AGAP1: variants seen among roughly 807,000 people sequenced by gnomAD.
AGAP1 encodes arf-GAP with GTPase, ANK repeat and PH domain-containing protein 1.
In AGAP1, 29 loss-of-function variants were observed where a neutral mutation model predicts 105.3. The ratio of observed to expected loss-of-function variants is 0.28; its 90% CI spans 0.21 to 0.38. The LOEUF (loss-of-function observed/expected upper bound fraction) is 0.38. Ranked by LOEUF, AGAP1 falls within the 10% of genes least tolerant of loss-of-function variation. The pLI is 1.00. For missense variants in AGAP1, 998 were observed against 1,165.1 expected (o/e 0.86, Z 2.09); for synonymous variants, 509 against 485.9 (o/e 1.05, Z -0.63).
Position 235,577,811 on chromosome 2 carries a change from C to A in AGAP1, c.163+82962C>A, listed in dbSNP as rs1195967785. On this transcript the variant is annotated intron_variant, in intron 1 of 17. Coordinates refer to ENST00000304032, the MANE Select transcript of AGAP1 (RefSeq NM_001037131.3). The surrounding 1 kb of genome is among the most constrained non-coding windows in gnomAD (Gnocchi z 4.5). The stretch of plus-strand genomic sequence containing the variant: ...GGTTTGCTATTCCTGAAATGTAATC[C>A]CTCCTTCAGCGCTGCACAAAAGGCC... Among the ~76,000 whole-genome samples, 2 of 151,996 alleles carry A rather than the reference C, an allele frequency of 1.3e-5. No individual in the cohort carries two copies. The highest frequency in any genetic ancestry group is 4.8e-5 in the African/African-American group (2 of 41,354).
At position 236,062,666 on chromosome 2, in the gene AGAP1, T is replaced by C. The variant is rs28605624; in HGVS notation, c.2114+13385T>C. Among the ~76,000 whole-genome samples, 1 of 149,058 alleles carries C rather than the reference T, an allele frequency of 6.7e-6. No homozygotes were observed. The highest frequency in any genetic ancestry group is 2.6e-5 in the African/African-American group (1 of 38,886). ...ATTTTGTTTGTTTGTTTGTTTGTTT[T>C]TGTTTGTTTGTTTGAGATGGAATCT... On this transcript the variant is annotated intron_variant, in intron 16 of 17. Transcript: ENST00000304032. This position sits in a 1 kb window ranked among gnomAD's most constrained non-coding sequence, Gnocchi z 4.2.
chr2:235,786,643 A>G (rs144074432), intron 6 of AGAP1, among the ~76,000 whole-genome samples: 204 of 152,332 alleles, frequency 1.3e-3, no homozygotes, highest in Middle Eastern at 6.8e-3. Flanking sequence ...GAAATAGGAA[A>G]ACAGCTTCAG....
chr2:235,956,566 G>A (rs2053959884), intron 12 of AGAP1, among the ~76,000 whole-genome samples: 1 of 152,226 alleles, frequency 6.6e-6, no homozygotes, highest in Non-Finnish European at 1.5e-5. Context: ...GGAAACGGAT[G>A]GGGTGCAAAG....
chr2:236,017,617 G>A (rs1035941074), intron 13 of AGAP1, among the ~76,000 whole-genome samples: 1 of 152,174 alleles, frequency 6.6e-6, no homozygotes, highest in Non-Finnish European at 1.5e-5. Context: ...TGAGCTTCAG[G>A]AATAAGAGGA....
Position 236,123,782 on chromosome 2 carries a change from C to A in AGAP1, c.2371-137C>A. ...GCTGTGCCACCAGCACTGGATGGTC[C>A]TGGCACCCCAGCCAGTTGTGTAGCT... On this transcript the variant is annotated intron_variant, in intron 17 of 17. Transcript: ENST00000304032. This position sits in a 1 kb window ranked among gnomAD's most constrained non-coding sequence, Gnocchi z 4.6. 1 of 1,087,308 alleles carries A rather than the reference C, an allele frequency of 9.2e-7. No individual in the cohort carries two copies. The highest frequency in any genetic ancestry group is 1.3e-6 in the Non-Finnish European group (1 of 745,328). The allele number at this position is 1,087,308 out of a possible 1,614,324, so 67.4% of individuals were successfully genotyped here.
In AGAP1 at chr2:235,908,967, G is replaced by A. The variant is rs1272230091; in HGVS notation, c.1324+61G>A. On this transcript the variant is annotated intron_variant, in intron 11 of 17. Coordinates refer to ENST00000304032, the MANE Select transcript of AGAP1 (RefSeq NM_001037131.3). This position sits in a 1 kb window ranked among gnomAD's most constrained non-coding sequence, Gnocchi z 4.4. Reference sequence around the variant, plus strand: ...CAACAGCAACAGGTGGTCCAGGCTCGAGGATAATGTTGGACTCCTAGGTTA... The same window carrying A: ...CAACAGCAACAGGTGGTCCAGGCTCAAGGATAATGTTGGACTCCTAGGTTA... 37 of 1,536,186 alleles carry A rather than the reference G, an allele frequency of 2.4e-5. No individual in the cohort carries two copies. The East Asian group carries it at 5.4e-4, about 23-fold the overall frequency.
rs577052590 is a variant in AGAP1, at chr2:236,103,846, C to T, written c.2115-16346C>T. 6.2e-4 allele frequency among the ~76,000 whole-genome samples: 95 copies of T among 152,304 alleles called. 1 individual carries two copies. Among genetic ancestry groups the T allele is most frequent in the African/African-American group, 2.0e-3 (83 of 41,570 alleles). On this transcript the variant is annotated intron_variant, in intron 16 of 17. Transcript: ENST00000304032. ...CCTCCCAAAGTGCTGAGATTACAGG[C>T]GTGAGCGACATGCCCAGCCTCTCCT...
chr2:236,035,348 A>G lies in AGAP1; in HGVS notation c.1646-1213A>G, dbSNP rs1192195716. On this transcript the variant is annotated intron_variant, in intron 13 of 17. Coordinates refer to ENST00000304032, the MANE Select transcript of AGAP1 (RefSeq NM_001037131.3). The surrounding 1 kb of genome is among the most constrained non-coding windows in gnomAD (Gnocchi z 4.2). ...TGAAAACCTAGTTGAAGATTTCTTA[A>G]TGAGGGTCTGGTGCAGTGGCTCACA... 6.6e-6 allele frequency among the ~76,000 whole-genome samples: 1 copy of G among 152,138 alleles called. No homozygotes were observed. The highest frequency in any genetic ancestry group is 1.9e-4 in the East Asian group (1 of 5,174).
rs903446874 is a variant in AGAP1 at position 235,953,343 on chromosome 2, C to T, written c.1484-15119C>T. Among the ~76,000 whole-genome samples, 1 of 152,054 alleles carries T rather than the reference C, an allele frequency of 6.6e-6. No homozygotes were observed. The highest frequency in any genetic ancestry group is 2.4e-5 in the African/African-American group (1 of 41,372). On this transcript the variant is annotated intron_variant, in intron 12 of 17. Transcript: ENST00000304032. The surrounding 1 kb of genome is among the most constrained non-coding windows in gnomAD (Gnocchi z 5.2). ...ATAACAAAAGGTTACATGTGATGGC[C>T]AAGGGAAAAGAAAACGTAATTTATC...
At chr2:235,812,111 G>A (rs1024131196) in intron 9 of AGAP1, among the ~76,000 whole-genome samples, 4 of 152,264 alleles carry the variant, frequency 2.6e-5, no homozygotes, top group East Asian at 1.9e-4. Context: ...CATCAGGCAC[G>A]CTCCCTTTTG....
intron 7 of AGAP1, 45 bp downstream of exon 7, chr2:235,797,931 A>G (rs986428101): frequency 8.1e-6 from 13 of 1,607,656 alleles, no homozygotes; most frequent in Non-Finnish European, 6.8e-6. Context: ...AACCAAAGAC[A>G]ATATGCAAAT....
At chr2:235,580,559 A>T (rs1944897789) in intron 1 of AGAP1, among the ~76,000 whole-genome samples, 1 of 152,146 alleles carries the variant, frequency 6.6e-6, no homozygotes, top group African/African-American at 2.4e-5. Flanking sequence ...TCTTAGAATA[A>T]ATGACATTAA....
intron 1 of AGAP1, among the ~76,000 whole-genome samples, chr2:235,542,241 G>A (rs1041986337): frequency 1.3e-5 from 2 of 152,010 alleles, no homozygotes; most frequent in Non-Finnish European, 2.9e-5. Flanking sequence ...TTGTCAGAGA[G>A]CCCGGAGTTA....
chr2:235,926,783 G>A (rs1004034715), intron 11 of AGAP1, among the ~76,000 whole-genome samples: 4 of 152,298 alleles, frequency 2.6e-5, no homozygotes, highest in African/African-American at 4.8e-5. Context: ...TGGGTTGAGT[G>A]CAGTGGGGTG....
At chr2:235,944,203 T>A (rs1266865410) in intron 12 of AGAP1, among the ~76,000 whole-genome samples, 3 of 152,156 alleles carry the variant, frequency 2.0e-5, no homozygotes, top group Non-Finnish European at 2.9e-5. Context: ...ACAATTATAA[T>A]TACATTGAGA....
intron 9 of AGAP1, among the ~76,000 whole-genome samples, chr2:235,839,055 ACT>A (rs1960496361): frequency 6.6e-6 from 1 of 151,948 alleles, no homozygotes; most frequent in Non-Finnish European, 1.5e-5. Context: ...TAGAACATCA[ACT>A]CTGTCGGATA....
chr2:235,752,974 T>C lies in AGAP1; in HGVS notation c.673+2486T>C, dbSNP rs769141339. Reference sequence around the variant, plus strand: ...GGCCATCCTCCTAGTGGGATATGTGTTTGCATAGTGGAGAACAGAGGACAC... The same window carrying C: ...GGCCATCCTCCTAGTGGGATATGTGCTTGCATAGTGGAGAACAGAGGACAC... On this transcript the variant is annotated intron_variant, in intron 6 of 17. Coordinates refer to ENST00000304032, the MANE Select transcript of AGAP1 (RefSeq NM_001037131.3). The surrounding 1 kb of genome is among the most constrained non-coding windows in gnomAD (Gnocchi z 4.3). Among the ~76,000 whole-genome samples the C allele has an allele frequency of 6.6e-6, 1 of 152,116 alleles. No homozygotes were observed. The highest frequency in any genetic ancestry group is 1.5e-5 in the Non-Finnish European group (1 of 68,024).
chr2:235,679,393 T>C (rs1425807631), intron 1 of AGAP1, among the ~76,000 whole-genome samples: 1 of 152,264 alleles, frequency 6.6e-6, no homozygotes, highest in Non-Finnish European at 1.5e-5. Flanking sequence ...GGATTTCTTA[T>C]ATCCCGAAGC....
chr2:235,649,587 G>T (rs1223505531), intron 1 of AGAP1, among the ~76,000 whole-genome samples: 1 of 152,114 alleles, frequency 6.6e-6, no homozygotes. Context: ...GCCCAGGCTG[G>T]CCTCAGACTC....
Sources: gnomAD v4.1 joint callset for allele counts (sites outside exome capture counted in the v4.1 genomes callset) on GRCh38, gnomAD v4.1.1 for gene constraint, Gnocchi (gnomAD v3.1) non-coding constraint, MANE v1.5 for transcripts, NCBI Gene and HGNC (gene_info 2026-07-23, HGNC 2026-07-21) for gene names.